The following ANKRD30BL variants were observed in gnomAD, a reference collection of about 807,000 sequenced individuals.
ANKRD30BL encodes putative ankyrin repeat domain-containing protein 30B-like.
A neutral mutation model predicts 18.4 loss-of-function variants in ANKRD30BL; 20 were observed. The observed-to-expected ratio is 1.09, with a 90% confidence interval of 0.77 to 1.58. The LOEUF is 1.58. Ranked by LOEUF, ANKRD30BL falls within the 40% of genes most tolerant of loss-of-function variation. The pLI, the probability that ANKRD30BL is intolerant of heterozygous loss-of-function variation, is 0.00. For synonymous variants in ANKRD30BL, 72 were observed against 100.9 expected (o/e 0.71, Z 1.72); for missense variants, 224 against 268.6 (o/e 0.83, Z 1.16).
intron 1 of ANKRD30BL, among the ~76,000 whole-genome samples, chr2:132,209,471 A>G (rs1285231014): frequency 6.6e-6 from 1 of 152,084 alleles, no homozygotes; most frequent in African/African-American, 2.4e-5. Flanking sequence ...CTGCAAGTGG[A>G]CATTCGGAGC....
At chr2:132,254,165 C>T (rs1314735138) in intron 1 of ANKRD30BL, among the ~76,000 whole-genome samples, 1 of 152,154 alleles carries the variant, frequency 6.6e-6, no homozygotes, top group African/African-American at 2.4e-5. Context: ...CACACGGTTT[C>T]ATCCCCACAC....
intron 5 of ANKRD30BL, among the ~76,000 whole-genome samples, 188 bp from the exon 6 acceptor site, chr2:132,148,416 G>A (rs1435799274): frequency 7.9e-6 from 1 of 127,364 alleles, no homozygotes; most frequent in African/African-American, 3.0e-5. Context: ...GCCCAGGCTG[G>A]AGTGCAGTGG....
At chr2:132,178,254 G>T (rs1488762720) in intron 1 of ANKRD30BL, among the ~76,000 whole-genome samples, 2 of 152,118 alleles carry the variant, frequency 1.3e-5, no homozygotes, top group Non-Finnish European at 2.9e-5. Context: ...TAAAATGTAC[G>T]GCAGAGTAAT....
At chr2:132,218,984 A>T (rs150400556) in intron 1 of ANKRD30BL, among the ~76,000 whole-genome samples, 1 of 152,010 alleles carries the variant, frequency 6.6e-6, no homozygotes, top group Non-Finnish European at 1.5e-5. Flanking sequence ...TCACATAAAC[A>T]CCAGACAGAA....
chr2:132,225,437 A>G (rs1300901639), intron 1 of ANKRD30BL, among the ~76,000 whole-genome samples: 7 of 152,110 alleles, frequency 4.6e-5, no homozygotes, highest in Admixed American at 4.6e-4. Flanking sequence ...CTTTTAGTGG[A>G]ATCTGCAAGT....
chr2:132,175,684 T>C (rs1296210288), intron 1 of ANKRD30BL, among the ~76,000 whole-genome samples: 1 of 152,212 alleles, frequency 6.6e-6, no homozygotes. Flanking sequence ...CCTTGGACAA[T>C]ACCCGGCTTT....
At chr2:132,243,528 C>T (rs796951351) in intron 1 of ANKRD30BL, among the ~76,000 whole-genome samples, 1 of 151,124 alleles carries the variant, frequency 6.6e-6, no homozygotes, top group East Asian at 1.9e-4. Context: ...TGGATATTAA[C>T]ACAGCACTGA....
At chr2:132,204,402 C>CAT (rs944828860) in intron 1 of ANKRD30BL, among the ~76,000 whole-genome samples, 6 of 151,196 alleles carry the variant, frequency 4.0e-5, no homozygotes, top group African/African-American at 4.9e-5. Context: ...AAATATATAG[C>CAT]ATATATATAT....
At chr2:132,153,825 T>C (rs1180170032) in intron 4 of ANKRD30BL, 1 of 359,174 alleles carries the variant, frequency 2.8e-6, no homozygotes, top group East Asian at 8.3e-5. Context: ...TTTATCCTTG[T>C]AAATCACGAC....
chr2:132,208,598 G>A (rs925416309), intron 1 of ANKRD30BL, among the ~76,000 whole-genome samples: 2 of 151,998 alleles, frequency 1.3e-5, no homozygotes, highest in Non-Finnish European at 2.9e-5. Context: ...ACTCTGCCTG[G>A]AAAAAGTAAG....
intron 1 of ANKRD30BL, among the ~76,000 whole-genome samples, chr2:132,178,051 A>G (rs1688395635): frequency 6.6e-6 from 1 of 152,198 alleles, no homozygotes; most frequent in Non-Finnish European, 1.5e-5. Flanking sequence ...AAAATATATC[A>G]AGGCAAGGAC....
chr2:132,249,960 T>A (rs202192833), intron 1 of ANKRD30BL, among the ~76,000 whole-genome samples: 1 of 137,566 alleles, frequency 7.3e-6, no homozygotes, highest in Admixed American at 7.3e-5. Flanking sequence ...TTATCATAAA[T>A]CTTCTTTCTA....
At chr2:132,220,774 C>T (rs1021466639) in intron 1 of ANKRD30BL, among the ~76,000 whole-genome samples, 1 of 151,886 alleles carries the variant, frequency 6.6e-6, no homozygotes, top group African/African-American at 2.4e-5. Flanking sequence ...GCAGCCTCTG[C>T]CCGGCCGCCA....
chr2:132,255,862 C>T (rs1680818656), intron 1 of ANKRD30BL, among the ~76,000 whole-genome samples: 1 of 152,176 alleles, frequency 6.6e-6, no homozygotes, highest in South Asian at 2.1e-4. Context: ...TGGGTCATCG[C>T]TGCCACGGGG....
In ANKRD30BL at chr2:132,148,338, A is replaced by T. The variant is rs867835476; in HGVS notation, c.680-110T>A. 45 of 379,844 alleles carry T rather than the reference A, an allele frequency of 1.2e-4. No homozygotes were observed. The South Asian group carries it at 2.0e-3, about 17-fold the overall frequency. 23.5% of individuals were successfully genotyped at this position (379,844 alleles called of 1,614,324 possible). On this transcript the variant is annotated intron_variant, in intron 5 of 5. Coordinates refer to ENST00000409867, the MANE Select transcript of ANKRD30BL (RefSeq NM_001358416.1). ...GCTTGCTTTCCTTAAATACTACCAA[A>T]CTTTTGTTTTCTCCTTTTTTTTTTT...
intron 1 of ANKRD30BL, chr2:132,257,482 G>C (rs1217989347): frequency 3.8e-6 from 1 of 261,862 alleles, no homozygotes; most frequent in Non-Finnish European, 7.4e-6. Context: ...AGCTTCCCTG[G>C]GTCCCCACCG....
intron 1 of ANKRD30BL, among the ~76,000 whole-genome samples, chr2:132,256,457 G>A (rs75924145): frequency 6.6e-6 from 1 of 152,228 alleles, no homozygotes; most frequent in Admixed American, 6.5e-5. Flanking sequence ...GCGAGGGACC[G>A]GCGGCCACTC....
At position 132,254,992 on chromosome 2, in the gene ANKRD30BL, C is replaced by T. The variant is rs546654825; in HGVS notation, n.441+2537G>A. On this transcript the variant is annotated intron_variant and non_coding_transcript_variant, in intron 1 of 4. Coordinates refer to the ANKRD30BL transcript ENST00000470729. ...GCTGCAGGCTCCACTCCTGGTGGTG[C>T]CCTTCTGTCAATTCCTTTAAGTTTC... Among the ~76,000 whole-genome samples, 4 of 152,246 alleles carry T rather than the reference C, an allele frequency of 2.6e-5. No individual in the cohort carries two copies. The South Asian group carries it at 6.2e-4, about 24-fold the overall frequency.
At chr2:132,199,599 C>T (rs561912507) in intron 1 of ANKRD30BL, among the ~76,000 whole-genome samples, 158 of 151,704 alleles carry the variant, frequency 1.0e-3, no homozygotes, top group Middle Eastern at 6.9e-3. Flanking sequence ...CTCCACCTGC[C>T]GAGTTCAAGC....
Sources: gnomAD v4.1 joint callset for allele counts (sites outside exome capture counted in the v4.1 genomes callset) on GRCh38, gnomAD v4.1.1 for gene constraint, MANE v1.5 for transcripts, NCBI Gene and HGNC (gene_info 2026-07-23, HGNC 2026-07-21) for gene names.